Variants in DYNLRB2 observed in about 807,000 individuals in gnomAD.
DYNLRB2 encodes bithoraxoid-like protein.
Under a neutral mutation model 12.6 loss-of-function variants are expected in DYNLRB2, and 14 were observed. The observed-to-expected ratio is 1.11, with a 90% CI of 0.73 to 1.73. The LOEUF (loss-of-function observed/expected upper bound fraction) is 1.73. DYNLRB2 is among the 40% of genes most tolerant of loss of function. The pLI, the probability that DYNLRB2 is intolerant of heterozygous loss-of-function variation, is 0.00. For synonymous variants in DYNLRB2, 53 were observed against 37.0 expected (o/e 1.43, Z -1.57); for missense variants, 142 against 117.7 (o/e 1.21, Z -0.95).
Position 80,550,630 on chromosome 16 carries a change from T to A in DYNLRB2, c.*72T>A. 1 of 1,485,252 alleles carries A rather than the reference T, an allele frequency of 6.7e-7. No homozygotes were observed. Among genetic ancestry groups the A allele is most frequent in the Non-Finnish European group, 9.4e-7 (1 of 1,063,678 alleles). The allele number at this position is 1,485,252 out of a possible 1,614,324, so 92.0% of individuals were successfully genotyped here. On this transcript the variant is annotated 3_prime_UTR_variant, in exon 4 of 4. Coordinates refer to ENST00000305904, the MANE Select transcript of DYNLRB2 (RefSeq NM_130897.3). ...TTGGCTCTCTCATGAGTATTAAAAT[T>A]CTATTTCAATCTAACTGACCCTTCA...
chr16:80,548,076 C>T (rs1025744445), intron 2 of DYNLRB2: 5 of 275,446 alleles, frequency 1.8e-5, no homozygotes, highest in South Asian at 3.3e-5. Context: ...TCTGGACCCA[C>T]ATTCTCTGAA....
intron 2 of DYNLRB2, among the ~76,000 whole-genome samples, chr16:80,545,777 G>A (rs1308938913): frequency 5.1e-5 from 7 of 137,220 alleles, no homozygotes; most frequent in Admixed American, 4.0e-4. Flanking sequence ...CCTGGTTCAC[G>A]CCATTCTCCT....
chr16:80,549,470 A>G lies in DYNLRB2; in HGVS notation c.80-14A>G. ...ATCAGAAAAAATATTAACCAAAATT[A>G]AATTTCATAATAGGTATTCCCATCC... On this transcript the variant is annotated splice_polypyrimidine_tract_variant and intron_variant, in intron 2 of 3. Transcript: ENST00000305904. 1 of 1,563,942 alleles carries G rather than the reference A, an allele frequency of 6.4e-7. No individual in the cohort carries two copies. Among genetic ancestry groups the G allele is most frequent in the East Asian group, 2.3e-5 (1 of 43,878 alleles).
chr16:80,543,172 G>C (rs754578081), intron 1 of DYNLRB2, 104 bp from the exon 2 acceptor site: 6 of 1,160,024 alleles, frequency 5.2e-6, no homozygotes, highest in Non-Finnish European at 5.0e-6. Flanking sequence ...TGGCACCTTA[G>C]GTTAAGGAGA....
chr16:80,545,439 GA>G (rs1462272838), intron 2 of DYNLRB2, among the ~76,000 whole-genome samples: 1 of 152,028 alleles, frequency 6.6e-6, no homozygotes, highest in African/African-American at 2.4e-5. Context: ...AGTATTAGAT[GA>G]AAAAAGCAGA....
At position 80,550,557 on chromosome 16, in the gene DYNLRB2, A is replaced by G; in HGVS notation, c.290A>G (p.Ter97TrpextTer30). 1.2e-6 allele frequency: 2 copies of G among 1,614,214 alleles called. No homozygotes were observed. The highest frequency in any genetic ancestry group is 1.7e-6 in the Non-Finnish European group (2 of 1,180,032). The change falls in exon 4 of 4, where the codon TAG becomes TGG. Residue 97 changes from the stop codon to tryptophan (W), a stop_lost. Transcript: ENST00000305904. ...ATCGTCATTCAGAATCCATGTGAAT[A>G]GACCTGCGATGGCCAAGGCTGTTTA... is the stretch of plus-strand genomic sequence containing the variant. ...LLIVIQNPCE[*>W]
chr16:80,549,196 T>TA (rs1318590990), intron 2 of DYNLRB2: 2 of 357,282 alleles, frequency 5.6e-6, no homozygotes, highest in African/African-American at 4.1e-5. Context: ...ATGCAGTTAT[T>TA]AAAAATAATG....
chr16:80,549,499 C>T lies in DYNLRB2; in HGVS notation c.95C>T (p.Thr32Ile). The change falls in exon 3 of 4, where the codon ACA (threonine) becomes ATA (isoleucine). Residue 32 changes from threonine (T) to isoleucine (I), a missense_variant. Physicochemically the swap from Thr to Ile is moderately conservative, Grantham distance 89. Transcript: ENST00000305904. Reference sequence around the variant, plus strand: ...TTCATAATAGGTATTCCCATCCGAACAACCTTGGACAACTCAACAACTGTT... The same window carrying T: ...TTCATAATAGGTATTCCCATCCGAATAACCTTGGACAACTCAACAACTGTT... ...VVNAEGIPIR[T>I]TLDNSTTVQY... 1 of 1,596,434 alleles carries T rather than the reference C, an allele frequency of 6.3e-7. No homozygotes were observed. The highest frequency in any genetic ancestry group is 8.5e-7 in the Non-Finnish European group (1 of 1,170,054).
In DYNLRB2 at chr16:80,541,744, G is replaced by C. The variant is rs527736810; in HGVS notation, c.3+665G>C. Among the ~76,000 whole-genome samples, 5 of 152,200 alleles carry C rather than the reference G, an allele frequency of 3.3e-5. 2 individuals are homozygous for C. The highest frequency in any genetic ancestry group is 1.2e-4 in the African/African-American group (5 of 41,524). ...TGGGTGGAGAAATGGAAAGGCCAGG[G>C]AAAGAAAAGAAAGGAGTTTGGGAGA... On this transcript the variant is annotated intron_variant, in intron 1 of 3. Transcript: ENST00000305904.
chr16:80,547,042 G>C (rs1037044893), intron 2 of DYNLRB2, among the ~76,000 whole-genome samples: 2 of 152,160 alleles, frequency 1.3e-5, no homozygotes, highest in African/African-American at 4.8e-5. Flanking sequence ...GATGACCAAG[G>C]ACATATTCTG....
chr16:80,541,489 G>A, intron 1 of DYNLRB2: 1 of 671,116 alleles, frequency 1.5e-6, no homozygotes, highest in Non-Finnish European at 1.8e-6. Flanking sequence ...GAAAGCAAGG[G>A]AATGGAAGGG....
chr16:80,541,073 C>T lies in DYNLRB2; in HGVS notation c.-4C>T, dbSNP rs1436591309. ...CCTGAGCCCAGAGTTTCGCGGCCTC[C>T]GCGATGGTAAATCTGGGGTCTCCGT... On this transcript the variant is annotated 5_prime_UTR_variant, in exon 1 of 4. Coordinates refer to ENST00000305904, the MANE Select transcript of DYNLRB2 (RefSeq NM_130897.3). 6.2e-7 allele frequency: 1 copy of T among 1,608,136 alleles called. No individual in the cohort carries two copies. Among genetic ancestry groups the T allele is most frequent in the South Asian group, 1.1e-5 (1 of 90,246 alleles).
chr16:80,541,991 C>G (rs897228029), intron 1 of DYNLRB2, among the ~76,000 whole-genome samples: 3 of 152,184 alleles, frequency 2.0e-5, no homozygotes, highest in African/African-American at 7.2e-5. Flanking sequence ...TATTCCTCTT[C>G]CATTTTGTTC....
intron 2 of DYNLRB2, among the ~76,000 whole-genome samples, chr16:80,545,506 C>T (rs899014557): frequency 3.9e-5 from 6 of 151,986 alleles, no homozygotes; most frequent in Non-Finnish European, 1.5e-5. Context: ...TGCACACATA[C>T]ACTTCAAATA....
intron 1 of DYNLRB2, chr16:80,541,363 T>C: frequency 3.0e-6 from 3 of 983,704 alleles, no homozygotes; most frequent in Non-Finnish European, 3.6e-6. Flanking sequence ...GGATGAAGAA[T>C]GCTCAGGGGA....
rs945621816 is a variant in DYNLRB2 at position 80,544,315 on chromosome 16, G to T, written c.79+964G>T. On this transcript the variant is annotated intron_variant, in intron 2 of 3. Transcript: ENST00000305904. ...CCCAATACTTGATAGTAATTAAATAGTTATGAGAATGTGAGGATTTTTAAT... is the reference window on the plus strand; with the variant it reads ...CCCAATACTTGATAGTAATTAAATATTTATGAGAATGTGAGGATTTTTAAT... Among the ~76,000 whole-genome samples, 6 of 152,178 alleles carry T rather than the reference G, an allele frequency of 3.9e-5. 1 individual carries two copies. Among genetic ancestry groups the T allele is most frequent in the Admixed American group, 6.5e-5 (1 of 15,276 alleles).
intron 2 of DYNLRB2, 173 bp from the exon 3 acceptor site, chr16:80,549,311 C>T: frequency 1.7e-6 from 1 of 601,922 alleles, no homozygotes; most frequent in Non-Finnish European, 2.7e-6. Flanking sequence ...ACTTAAAAAT[C>T]TACGTAGCGA....
At chr16:80,545,600 G>C (rs1904403420) in intron 2 of DYNLRB2, among the ~76,000 whole-genome samples, 5 of 150,360 alleles carry the variant, frequency 3.3e-5, no homozygotes, top group Admixed American at 3.3e-4. Context: ...ATTTTCCTGA[G>C]GTTCCTCAAT....
At chr16:80,548,701 G>A (rs1904637590) in intron 2 of DYNLRB2, among the ~76,000 whole-genome samples, 1 of 148,144 alleles carries the variant, frequency 6.8e-6, no homozygotes, top group South Asian at 2.2e-4. Flanking sequence ...CAGCCTGGGG[G>A]GCCTACAATA....
Sources: gnomAD v4.1 joint callset for allele counts (sites outside exome capture counted in the v4.1 genomes callset) on GRCh38, gnomAD v4.1.1 for gene constraint, MANE v1.5 for transcripts, NCBI Gene and HGNC (gene_info 2026-07-23, HGNC 2026-07-21) for gene names.